ARHGAP17: variants seen among roughly 807,000 people sequenced by gnomAD.
The protein encoded by ARHGAP17 is Rho GTPase activating protein 17, also known as rho GTPase-activating protein 17.
ARHGAP17 carries 57 observed loss-of-function variants against 99.5 expected under a neutral mutation model. That is an observed-to-expected ratio of 0.57 (90% CI 0.46 to 0.71). ARHGAP17 has a LOEUF of 0.71. Ranked by LOEUF, ARHGAP17 falls within the 30% of genes least tolerant of loss-of-function variation. The pLI is 0.00. For synonymous variants in ARHGAP17, 417 were observed against 429.6 expected, an observed-to-expected ratio of 0.97 and a Z score of 0.36; for missense variants, 1,000 against 1,122.4, an observed-to-expected ratio of 0.89 and a Z score of 1.56.
chr16:24,938,864 G>A (rs1394505702), intron 17 of ARHGAP17, among the ~76,000 whole-genome samples: 5 of 152,108 alleles, frequency 3.3e-5, no homozygotes, highest in African/African-American at 1.2e-4. Flanking sequence ...ACTGAAATCT[G>A]GGGGTGTGGA....
chr16:24,952,465 G>T, intron 11 of ARHGAP17, 95 bp from the exon 12 acceptor site: 2 of 904,962 alleles, frequency 2.2e-6, no homozygotes, highest in Non-Finnish European at 3.5e-6. Context: ...TCTCAATAAC[G>T]ATCTTCCAAG....
intron 15 of ARHGAP17, among the ~76,000 whole-genome samples, chr16:24,943,252 C>G (rs1308836832): frequency 2.6e-5 from 4 of 152,252 alleles, no homozygotes; most frequent in Non-Finnish European, 5.9e-5. Context: ...CCCGATCAAC[C>G]TTTCCTGCTT....
intron 7 of ARHGAP17, 21 bp from the exon 8 acceptor site, chr16:24,960,000 A>T (rs1196883543): frequency 6.2e-7 from 1 of 1,610,920 alleles, no homozygotes; most frequent in Non-Finnish European, 8.5e-7. Flanking sequence ...GGAAGATAAG[A>T]GGTTATTGAA....
intron 19 of ARHGAP17, 87 bp from the exon 20 acceptor site, chr16:24,920,347 G>A: frequency 2.6e-6 from 4 of 1,547,298 alleles, no homozygotes; most frequent in Non-Finnish European, 2.6e-6. Flanking sequence ...AAGAGAGGCT[G>A]GGAAGTTTCA....
chr16:25,003,230 CTTT>C (rs564573463), intron 1 of ARHGAP17, among the ~76,000 whole-genome samples: 5 of 90,688 alleles, frequency 5.5e-5, no homozygotes, highest in African/African-American at 7.0e-5. Flanking sequence ...AGCTTTAAAG[CTTT>C]TTTTTTTTTT....
At chr16:24,995,460 G>A (rs1351987041) in intron 1 of ARHGAP17, among the ~76,000 whole-genome samples, 2 of 152,200 alleles carry the variant, frequency 1.3e-5, no homozygotes, top group Non-Finnish European at 2.9e-5. Context: ...GGAAGAGAGA[G>A]CAGGGAGGAG....
chr16:24,983,434 T>C (rs899621556), intron 1 of ARHGAP17, among the ~76,000 whole-genome samples: 1 of 151,992 alleles, frequency 6.6e-6, no homozygotes, highest in African/African-American at 2.4e-5. Context: ...TCCAAGTAGC[T>C]GGGACGAGAG....
chr16:24,927,045 C>T (rs1482753802), intron 19 of ARHGAP17, among the ~76,000 whole-genome samples: 4 of 152,020 alleles, frequency 2.6e-5, no homozygotes, highest in African/African-American at 7.2e-5. Context: ...CTGAGGAGGC[C>T]GGATCACCTA....
chr16:24,964,371 A>T (rs2052107634), intron 6 of ARHGAP17, 63 bp from the exon 7 acceptor site: 1 of 1,149,384 alleles, frequency 8.7e-7, no homozygotes, highest in Non-Finnish European at 1.3e-6. Context: ...AGCTGGAGGC[A>T]GGACCTGGTG....
At chr16:24,956,802 A>C (rs2051822533) in intron 9 of ARHGAP17, 1 of 152,240 alleles carries the variant, frequency 6.6e-6, no homozygotes, top group Non-Finnish European at 1.5e-5. Context: ...AACAATTTTT[A>C]ATGAGATATG....
chr16:24,939,900 T>G, intron 16 of ARHGAP17: 3 of 381,006 alleles, frequency 7.9e-6, no homozygotes, highest in Non-Finnish European at 9.8e-6. Context: ...ATCCCCATAC[T>G]TCCTCTGCTG....
At position 24,954,666 on chromosome 16, in the gene ARHGAP17, G is replaced by A. The variant is rs751822224; in HGVS notation, c.789C>T (p.Arg263=). ...AGGCTTCAATGGGCAGCGCAATCTCGCGCCCGCTCCTCTTCAGGTGTTCTT... is the reference window on the plus strand; with the variant it reads ...AGGCTTCAATGGGCAGCGCAATCTCACGCCCGCTCCTCTTCAGGTGTTCTT... ...PLEEHLKRSG[R]EIALPIEACV... is the part of the protein sequence containing the mutation. Residue 263 remains arginine (R), a synonymous_variant, in exon 10 of 20, where the codon CGC becomes CGT. Coordinates refer to ENST00000289968, the MANE Select transcript of ARHGAP17 (RefSeq NM_001006634.3). 3.8e-5 allele frequency: 61 copies of A among 1,613,916 alleles called. No individual in the cohort carries two copies. Among genetic ancestry groups the A allele is most frequent in the Middle Eastern group, 3.3e-4 (2 of 6,084 alleles).
chr16:24,966,144 T>C (rs1403806067), intron 6 of ARHGAP17, among the ~76,000 whole-genome samples: 2 of 152,250 alleles, frequency 1.3e-5, no homozygotes, highest in African/African-American at 4.8e-5. Flanking sequence ...ATATTTTTCC[T>C]TCTCTTGAGC....
chr16:25,012,548 A>G (rs971540143), intron 1 of ARHGAP17, among the ~76,000 whole-genome samples: 1 of 152,180 alleles, frequency 6.6e-6, no homozygotes, highest in Admixed American at 6.5e-5. Context: ...ATCTTGACCT[A>G]AAAACACCCA....
chr16:24,992,496 C>T (rs940457401), intron 1 of ARHGAP17, among the ~76,000 whole-genome samples: 5 of 152,098 alleles, frequency 3.3e-5, no homozygotes, highest in East Asian at 1.9e-4. Flanking sequence ...CCACCATGAC[C>T]GGCTAATTTT....
At chr16:24,945,245 C>T (rs1478610673) in intron 14 of ARHGAP17, among the ~76,000 whole-genome samples, 1 of 151,566 alleles carries the variant, frequency 6.6e-6, no homozygotes, top group African/African-American at 2.4e-5. Flanking sequence ...ATAGCCTGAG[C>T]CCAGGAGGTT....
At chr16:24,947,646 A>AAGAGAACATTCCAGC in intron 13 of ARHGAP17, 51 bp from the exon 14 acceptor site, 2 of 1,490,374 alleles carry the variant, frequency 1.3e-6, no homozygotes, top group Non-Finnish European at 1.9e-6. Context: ...TAGCTGCTGG[A>AAGAGAACATTCCAGC]ATGTTCTCTT....
intron 1 of ARHGAP17, among the ~76,000 whole-genome samples, chr16:24,988,266 A>G (rs1366682204): frequency 1.3e-5 from 2 of 152,218 alleles, no homozygotes; most frequent in Non-Finnish European, 2.9e-5. Context: ...AAAATGAAGC[A>G]ATTTGTTATA....
intron 1 of ARHGAP17, among the ~76,000 whole-genome samples, chr16:25,014,748 G>A (rs2053737475): frequency 6.6e-6 from 1 of 152,200 alleles, no homozygotes; most frequent in Admixed American, 6.5e-5. Flanking sequence ...AGAAGGACTC[G>A]CAAACAGCGG....
Sources: gnomAD v4.1 joint callset for allele counts (sites outside exome capture counted in the v4.1 genomes callset) on GRCh38, gnomAD v4.1.1 for gene constraint, MANE v1.5 for transcripts, NCBI Gene and HGNC (gene_info 2026-07-23, HGNC 2026-07-21) for gene names.